The following SLC36A1 variants were observed in gnomAD, a reference collection of about 807,000 sequenced individuals.
SLC36A1 encodes the protein solute carrier family 36 member 1.
Under a neutral mutation model 47.5 loss-of-function variants are expected in SLC36A1, and 30 were observed. That is an observed-to-expected ratio of 0.63 (90% CI 0.47 to 0.86). The LOEUF (loss-of-function observed/expected upper bound fraction) is 0.86, where lower values mean the gene tolerates loss of function less well. Among genes scored for constraint, SLC36A1 ranks in the 40% least tolerant of loss-of-function variants. The pLI is 0.00. For missense variants in SLC36A1, 517 were observed against 606.0 expected (o/e 0.85, Z 1.54); for synonymous variants, 255 against 249.7 (o/e 1.02, Z -0.20).
the SLC36A1 span, chr5:151,347,617 G>C: frequency 7.9e-5 from 62 of 784,012 alleles, 1 homozygote; most frequent in South Asian, 1.0e-3. Flanking sequence ...CACCTCCCTG[G>C]AGGGCACCTC....
chr5:151,536,515 G>C, the SLC36A1 span, among the ~76,000 whole-genome samples: 1 of 152,048 alleles, frequency 6.6e-6, no homozygotes, highest in Non-Finnish European at 1.5e-5. Context: ...ACCCTCCCCT[G>C]CAGCAGCAGG....
chr5:151,464,623 C>G, intron 4 of SLC36A1, 21 bp downstream of exon 4: 1 of 1,605,134 alleles, frequency 6.2e-7, no homozygotes, highest in Non-Finnish European at 8.5e-7. Context: ...TCTGAGCCAC[C>G]TCTCAAGTGA....
At chr5:151,454,352 C>G (rs1024005683) in intron 1 of SLC36A1, among the ~76,000 whole-genome samples, 1 of 152,014 alleles carries the variant, frequency 6.6e-6, no homozygotes, top group Non-Finnish European at 1.5e-5. Context: ...CAAAGGGAGC[C>G]TAAGGGCAGT....
At chr5:151,391,033 T>C in the SLC36A1 span, among the ~76,000 whole-genome samples, 2 of 152,136 alleles carry the variant, frequency 1.3e-5, no homozygotes, top group South Asian at 2.1e-4. Flanking sequence ...ATTCTTCCTA[T>C]CCATGAGCAT....
At chr5:151,433,233 TA>T (rs1759483822), upstream of SLC36A1, among the ~76,000 whole-genome samples, 4 of 7,770 alleles carry the variant, frequency 5.1e-4, no homozygotes, top group East Asian at 3.8e-3. Flanking sequence ...TATATATATA[TA>T]TATATATATA....
Position 151,458,890 on chromosome 5 carries a change from C to G in SLC36A1, c.98C>G (p.Ser33Cys), listed in dbSNP as rs1396419784. The G allele has an allele frequency of 1.2e-6, 2 of 1,613,870 alleles. No individual in the cohort carries two copies. Among genetic ancestry groups the G allele is most frequent in the Non-Finnish European group, 1.7e-6 (2 of 1,179,988 alleles). ...ESPSEGLNNL[S>C]SPGSYQRFGQ... The stretch of plus-strand genomic sequence containing the variant: ...CCGTCGGAAGGCCTCAACAACCTCT[C>G]CTCCCCGGGCTCCTACCAGCGCTTT... The change falls in exon 2 of 11, where the codon TCC becomes TGC. Residue 33 changes from serine to cysteine, a missense_variant. Ser to Cys is a moderately radical substitution (Grantham distance 112). Transcript: ENST00000243389.
In SLC36A1 at chr5:151,464,529, C is replaced by T; in HGVS notation, c.250C>T (p.Leu84=). The change falls in exon 4 of 11, where the codon CTG becomes TTG. Residue 84 remains leucine, a synonymous_variant. Transcript: ENST00000243389. Reference sequence around the variant, plus strand: ...CTGTCCCCAGATGGGTCCCATCAGCCTGCTGATCATAGGCATCGTGGCCGT... The same window carrying T: ...CTGTCCCCAGATGGGTCCCATCAGCTTGCTGATCATAGGCATCGTGGCCGT... The part of the protein sequence containing the change: ...NAGIVMGPIS[L]LIIGIVAVHC... 1.9e-6 allele frequency: 3 copies of T among 1,613,964 alleles called. No homozygotes were observed. The highest frequency in any genetic ancestry group is 2.5e-6 in the Non-Finnish European group (3 of 1,179,978).
chr5:151,537,641 C>G, the SLC36A1 span: 1 of 662,830 alleles, frequency 1.5e-6, no homozygotes, highest in Non-Finnish European at 2.5e-6. Flanking sequence ...TTTATTATGT[C>G]CCCAGTACAA....
chr5:151,510,067 G>A, the SLC36A1 span: 6 of 1,614,178 alleles, frequency 3.7e-6, no homozygotes, highest in Middle Eastern at 1.7e-4. Flanking sequence ...GCTCCTTTGG[G>A]GGAGAGGATG....
At chr5:151,503,055 C>T in the SLC36A1 span, among the ~76,000 whole-genome samples, 1 of 148,026 alleles carries the variant, frequency 6.8e-6, no homozygotes, top group African/African-American at 2.7e-5. Context: ...CAATAAGTTT[C>T]GTGGTTGCCA....
At chr5:151,424,182 A>C in the SLC36A1 span, among the ~76,000 whole-genome samples, 1 of 152,190 alleles carries the variant, frequency 6.6e-6, no homozygotes, top group Non-Finnish European at 1.5e-5. Flanking sequence ...TGGAGAGTGG[A>C]GAGTCTGGCA....
chr5:151,538,026 G>A, the SLC36A1 span: 1 of 1,310,842 alleles, frequency 7.6e-7, no homozygotes, highest in Admixed American at 2.0e-5. Flanking sequence ...ACTGACTGAG[G>A]GAGGCAGAAG....
the SLC36A1 span, chr5:151,511,806 G>GTGTT: frequency 4.5e-6 from 1 of 222,878 alleles, no homozygotes; most frequent in East Asian, 9.4e-5. Flanking sequence ...TTTGCCTCTA[G>GTGTT]TGTTAGGGAA....
chr5:151,369,547 G>A, the SLC36A1 span, among the ~76,000 whole-genome samples: 123 of 152,358 alleles, frequency 8.1e-4, no homozygotes, highest in African/African-American at 2.8e-3. Context: ...TACGTTCACA[G>A]CTCACTGCAA....
intron 5 of SLC36A1, 148 bp from the exon 6 acceptor site, chr5:151,467,051 A>G (rs357618): frequency 0.4 from 243,106 of 606,728 alleles, 49,968 homozygotes; most frequent in East Asian, 0.53. Context: ...ACGCCCAGGC[A>G]CTACCACTAT....
intron 4 of SLC36A1, 143 bp downstream of exon 4, chr5:151,464,745 T>C: frequency 1.4e-6 from 1 of 733,778 alleles, no homozygotes; most frequent in Non-Finnish European, 2.3e-6. Flanking sequence ...AGCGTTTTCC[T>C]TTCCCTGGTT....
At chr5:151,351,180 G>T in the SLC36A1 span, among the ~76,000 whole-genome samples, 1 of 152,116 alleles carries the variant, frequency 6.6e-6, no homozygotes, top group Non-Finnish European at 1.5e-5. Context: ...AACTTACAAG[G>T]TCATTTCGTT....
At chr5:151,370,411 T>G in the SLC36A1 span, among the ~76,000 whole-genome samples, 6 of 109,206 alleles carry the variant, frequency 5.5e-5, no homozygotes, top group Non-Finnish European at 1.0e-4. Flanking sequence ...GTTTCTTCCT[T>G]TTTTTTTTTG....
chr5:151,356,930 G>C, the SLC36A1 span, among the ~76,000 whole-genome samples: 1 of 152,174 alleles, frequency 6.6e-6, no homozygotes, highest in Non-Finnish European at 1.5e-5. Context: ...AGGGAATGAA[G>C]CCAGGTAGCT....
Sources: gnomAD v4.1 joint callset for allele counts (sites outside exome capture counted in the v4.1 genomes callset) on GRCh38, gnomAD v4.1.1 for gene constraint, MANE v1.5 for transcripts, NCBI Gene and HGNC (gene_info 2026-07-23, HGNC 2026-07-21) for gene names.